The following AEBP2 variants were observed in gnomAD, a reference collection of about 807,000 sequenced individuals.
AEBP2 encodes AE binding protein 2.
Under a neutral mutation model 50.8 loss-of-function variants are expected in AEBP2, and 10 were observed. The ratio of observed to expected loss-of-function variants is 0.20; its 90% CI spans 0.12 to 0.33. AEBP2 has a LOEUF of 0.33. Among genes scored for constraint, AEBP2 ranks in the 10% least tolerant of loss-of-function variants. The probability of loss-of-function intolerance (pLI) is 1.00; values close to 1 mark genes in which losing one functional copy is unlikely to be tolerated. For missense variants in AEBP2, 570 were observed against 688.0 expected (o/e 0.83, Z 1.92); for synonymous variants, 296 against 261.3 (o/e 1.13, Z -1.28).
intron 5 of AEBP2, among the ~76,000 whole-genome samples, chr12:19,512,144 C>G (rs1327345914): frequency 1.3e-5 from 2 of 152,070 alleles, no homozygotes; most frequent in African/African-American, 4.8e-5. Flanking sequence ...GCCTCAGCCT[C>G]CTGAGTAGCT....
At chr12:19,440,605 C>T (rs1219013399) in intron 1 of AEBP2, 2 of 1,475,950 alleles carry the variant, frequency 1.4e-6, no homozygotes, top group African/African-American at 1.4e-5. Context: ...CGCCCTCTTT[C>T]CCCTCGGCGC....
rs1565720265 is a variant in AEBP2, at chr12:19,473,375, A to C, written c.987+20A>C. The C allele has an allele frequency of 3.8e-6, 1 of 260,700 alleles. No individual in the cohort carries two copies. The highest frequency in any genetic ancestry group is 9.3e-5 in the South Asian group (1 of 10,804). The allele number at this position is 260,700 out of a possible 1,614,324, so 16.1% of individuals were successfully genotyped here. ...TTCAAGGTAAGGATGCATGTATATAAAATTTATTTATTTATTTATTTATTT... is the reference window on the plus strand; with the variant it reads ...TTCAAGGTAAGGATGCATGTATATACAATTTATTTATTTATTTATTTATTT... On this transcript the variant is annotated intron_variant, in intron 3 of 7. Transcript: ENST00000266508.
rs764578035 is a variant in AEBP2 at position 19,440,203 on chromosome 12, G to T, written c.504G>T (p.Gln168His). The T allele has an allele frequency of 3.4e-6, 5 of 1,452,182 alleles. No homozygotes were observed. In the South Asian group the frequency reaches 5.6e-5, roughly 16 times the overall value. 90.0% of individuals were successfully genotyped at this position (1,452,182 alleles called of 1,614,324 possible). ...LEEPKGPRGS[Q>H]GGGGGGSSSS... ...AGCCCAAGGGACCGCGGGGCAGCCA[G>T]GGCGGCGGCGGGGGCGGCAGCAGTA... The change falls in exon 1 of 8, where the codon CAG becomes CAT. Residue 168 changes from glutamine (Q) to histidine (H), a missense_variant. This residue lies in a region of AEBP2 where 386 missense variants were observed against 336.8 expected (regional missense o/e 1.15). Transcript: ENST00000266508.
upstream of AEBP2, among the ~76,000 whole-genome samples, chr12:19,434,657 G>A (rs892416850): frequency 1.3e-5 from 2 of 152,206 alleles, no homozygotes; most frequent in African/African-American, 4.8e-5. Flanking sequence ...GTCACCTGAT[G>A]CTGCCAAAAG....
intron 6 of AEBP2, among the ~76,000 whole-genome samples, chr12:19,512,848 T>C (rs1388043400): frequency 7.2e-5 from 11 of 152,054 alleles, no homozygotes; most frequent in Non-Finnish European, 2.9e-5. Context: ...CTCGGGAGGC[T>C]GAGGCACGAG....
intron 1 of AEBP2, among the ~76,000 whole-genome samples, chr12:19,447,332 T>C (rs749449858): frequency 2.0e-5 from 3 of 152,256 alleles, no homozygotes; most frequent in Non-Finnish European, 2.9e-5. Flanking sequence ...TTCCGAGTTC[T>C]TTCTTGCCCT....
At chr12:19,441,107 G>A (rs987812628) in intron 1 of AEBP2, among the ~76,000 whole-genome samples, 1 of 152,192 alleles carries the variant, frequency 6.6e-6, no homozygotes, top group African/African-American at 2.4e-5. Context: ...AGTCTTGAAG[G>A]TACAACGTAG....
chr12:19,511,223 T>C (rs555767085), intron 5 of AEBP2, among the ~76,000 whole-genome samples: 2 of 152,186 alleles, frequency 1.3e-5, no homozygotes, highest in Non-Finnish European at 2.9e-5. Context: ...TGTTTTGTTT[T>C]ACTGTTGTGT....
intron 1 of AEBP2, among the ~76,000 whole-genome samples, chr12:19,442,723 A>G (rs1947983841): frequency 6.6e-6 from 1 of 152,212 alleles, no homozygotes; most frequent in South Asian, 2.1e-4. Context: ...TAGATTTGTC[A>G]CTTGTATGAA....
chr12:19,485,841 AGGG>A (rs1051755721), intron 3 of AEBP2, among the ~76,000 whole-genome samples: 6 of 151,656 alleles, frequency 4.0e-5, no homozygotes, highest in African/African-American at 1.5e-4. Flanking sequence ...TCTCTGGGTT[AGGG>A]ATCAATTAAA....
intron 1 of AEBP2, among the ~76,000 whole-genome samples, chr12:19,458,476 C>G (rs1948312980): frequency 6.6e-6 from 1 of 152,200 alleles, no homozygotes; most frequent in African/African-American, 2.4e-5. Context: ...CAGTGGTAGG[C>G]AAAGCTCATG....
rs995997939 is a variant in AEBP2 at position 19,512,569 on chromosome 12, C to A, written c.1367+104C>A. On this transcript the variant is annotated intron_variant, in intron 6 of 7. Transcript: ENST00000266508. ...ATTAAATTCAAATAAAAAGAAATTA[C>A]ATTTTACAACGTTTTGAGGTTGTCA... 9.7e-5 allele frequency: 78 copies of A among 800,832 alleles called. No individual in the cohort carries two copies. The Admixed American group carries it at 2.4e-3, about 25-fold the overall frequency. The allele number at this position is 800,832 out of a possible 1,614,324, so 49.6% of individuals were successfully genotyped here. A position where few individuals can be genotyped will look rare whatever the true frequency, so the allele number is the denominator to read the frequency against.
At chr12:19,439,417 C>T (rs1461004821), upstream of AEBP2, among the ~76,000 whole-genome samples, 1 of 135,066 alleles carries the variant, frequency 7.4e-6, no homozygotes, top group Non-Finnish European at 1.6e-5. Flanking sequence ...GCGGGGCGGG[C>T]GCCGGGCGGG....
At chr12:19,427,632 T>C (rs2095749237) in intron 1 of AEBP2, among the ~76,000 whole-genome samples, 1 of 151,734 alleles carries the variant, frequency 6.6e-6, no homozygotes, top group Admixed American at 6.6e-5. Flanking sequence ...CCTATTGCCC[T>C]TGTTTCTCTA....
upstream of AEBP2, among the ~76,000 whole-genome samples, chr12:19,438,396 G>A (rs1947883093): frequency 6.6e-6 from 1 of 151,916 alleles, no homozygotes; most frequent in Non-Finnish European, 1.5e-5. Context: ...TTTTTTATGC[G>A]AACAAGTTTT....
At chr12:19,502,756 C>G (rs541588372) in intron 5 of AEBP2, among the ~76,000 whole-genome samples, 6 of 151,562 alleles carry the variant, frequency 4.0e-5, no homozygotes, top group Non-Finnish European at 5.9e-5. Flanking sequence ...TCAAGCGATT[C>G]TTGTGCCTCA....
At chr12:19,429,621 A>T (rs1366761885) in intron 1 of AEBP2, among the ~76,000 whole-genome samples, 1 of 152,192 alleles carries the variant, frequency 6.6e-6, no homozygotes. Flanking sequence ...CTATTTCTCC[A>T]CATCCTCTCC....
intron 1 of AEBP2, among the ~76,000 whole-genome samples, chr12:19,414,187 C>T (rs1037942191): frequency 2.6e-5 from 4 of 152,170 alleles, no homozygotes; most frequent in South Asian, 2.1e-4. Flanking sequence ...CCATTGCGCC[C>T]GGCCAACAAG....
At chr12:19,460,818 C>G (rs1222044905) in intron 1 of AEBP2, among the ~76,000 whole-genome samples, 1 of 151,986 alleles carries the variant, frequency 6.6e-6, no homozygotes, top group Non-Finnish European at 1.5e-5. Flanking sequence ...CCATGCCTGG[C>G]TAATTTTTTA....
Sources: allele counts gnomAD v4.1 joint callset (sites outside exome capture counted in the v4.1 genomes callset), GRCh38; gene constraint gnomAD v4.1.1; regional missense constraint gnomAD v4.1.1; transcripts MANE v1.5; gene names NCBI Gene and HGNC (gene_info 2026-07-23, HGNC 2026-07-21).